Variants in KCNT2 observed in about 807,000 individuals in gnomAD.
The protein encoded by KCNT2 is potassium channel subfamily T member 2.
In KCNT2, 67 loss-of-function variants were observed where a neutral mutation model predicts 153.8. That is an observed-to-expected ratio of 0.44 (90% CI 0.36 to 0.53). KCNT2 has a LOEUF of 0.53. Among genes scored for constraint, KCNT2 ranks in the 20% least tolerant of loss-of-function variants. KCNT2 has a pLI of 0.00. For missense variants in KCNT2, 975 were observed against 1,354.8 expected (o/e 0.72, Z 4.40); for synonymous variants, 500 against 458.8 (o/e 1.09, Z -1.15).
chr1:196,282,170 C>A (rs11802997), intron 24 of KCNT2, 103 bp downstream of exon 24: 1 of 532,900 alleles, frequency 1.9e-6, no homozygotes, highest in Non-Finnish European at 3.4e-6. Flanking sequence ...ATTCACAATA[C>A]AAAAAATAAC....
chr1:196,397,690 T>C (rs1275377616), intron 13 of KCNT2, among the ~76,000 whole-genome samples: 10 of 151,480 alleles, frequency 6.6e-5, no homozygotes, highest in Non-Finnish European at 1.2e-4. Context: ...TTTCTTATCA[T>C]TGCATCAAAA....
intron 1 of KCNT2, among the ~76,000 whole-genome samples, chr1:196,519,597 A>G (rs1653071210): frequency 6.6e-6 from 1 of 152,128 alleles, no homozygotes; most frequent in African/African-American, 2.4e-5. Flanking sequence ...ACAATCAGAA[A>G]CAACAAAGGA....
Position 196,252,754 on chromosome 1 carries a change from T to C in KCNT2, c.3211+5440A>G, listed in dbSNP as rs1056722447. Among the ~76,000 whole-genome samples, 5 of 151,492 alleles carry C rather than the reference T, an allele frequency of 3.3e-5. No individual in the cohort carries two copies. The South Asian group carries it at 8.3e-4, about 25-fold the overall frequency. On this transcript the variant is annotated intron_variant, in intron 26 of 27. Coordinates refer to ENST00000294725, the MANE Select transcript of KCNT2 (RefSeq NM_198503.5). ...GGGAAAGCCTTTTATCATTTTTTTG[T>C]AGTATAAACAAATTCAGCATTTGTT...
At chr1:196,253,651 C>T (rs1412483699) in intron 26 of KCNT2, among the ~76,000 whole-genome samples, 1 of 151,504 alleles carries the variant, frequency 6.6e-6, no homozygotes, top group African/African-American at 2.4e-5. Flanking sequence ...CCAAAGTCTG[C>T]ACAATATTGT....
chr1:196,458,495 T>A (rs1387174295), intron 8 of KCNT2, among the ~76,000 whole-genome samples: 2 of 151,892 alleles, frequency 1.3e-5, no homozygotes, highest in Non-Finnish European at 2.9e-5. Context: ...GGAAGTTGAA[T>A]ACAAACTCTT....
Position 196,560,596 on chromosome 1 carries a change from C to G in KCNT2, c.95+47619G>C, listed in dbSNP as rs142935866. ...ATATAAAGAACAAAAGGGGTAACATCCCTACCTATCTCACTCTCTGTGGGA... is the reference window on the plus strand; with the variant it reads ...ATATAAAGAACAAAAGGGGTAACATGCCTACCTATCTCACTCTCTGTGGGA... On this transcript the variant is annotated intron_variant, in intron 1 of 27. Coordinates refer to ENST00000294725, the MANE Select transcript of KCNT2 (RefSeq NM_198503.5). 1.4e-3 allele frequency among the ~76,000 whole-genome samples: 218 copies of G among 151,940 alleles called. 2 individuals carry two copies. The highest frequency in any genetic ancestry group is 5.1e-3 in the African/African-American group (212 of 41,476).
chr1:196,588,399 A>G (rs1662947101), intron 1 of KCNT2, among the ~76,000 whole-genome samples: 1 of 152,098 alleles, frequency 6.6e-6, no homozygotes, highest in Non-Finnish European at 1.5e-5. Context: ...TTTTATCATT[A>G]GCTTCTCCAA....
chr1:196,434,617 T>C (rs963607180), intron 8 of KCNT2, among the ~76,000 whole-genome samples: 2 of 151,988 alleles, frequency 1.3e-5, no homozygotes, highest in African/African-American at 4.8e-5. Flanking sequence ...TGCCAACAAA[T>C]GAAGTCTTCA....
chr1:196,385,617 T>C (rs775895975), intron 13 of KCNT2, among the ~76,000 whole-genome samples: 52 of 151,996 alleles, frequency 3.4e-4, no homozygotes, highest in African/African-American at 1.1e-3. Context: ...AATACAAGAA[T>C]GTACAACTCT....
chr1:196,461,521 A>G (rs1001464374), intron 8 of KCNT2, among the ~76,000 whole-genome samples: 5 of 151,862 alleles, frequency 3.3e-5, no homozygotes, highest in African/African-American at 9.7e-5. Flanking sequence ...TAGTTGCAAA[A>G]TAAATCTATC....
intron 26 of KCNT2, 192 bp downstream of exon 26, chr1:196,258,002 G>T: frequency 7.2e-7 from 1 of 1,396,388 alleles, no homozygotes; most frequent in Non-Finnish European, 9.3e-7. Flanking sequence ...CTCAGCAAAC[G>T]CTGAAAATTT....
At chr1:196,367,314 C>T (rs1412253390) in intron 14 of KCNT2, among the ~76,000 whole-genome samples, 2 of 152,098 alleles carry the variant, frequency 1.3e-5, no homozygotes, top group Non-Finnish European at 2.9e-5. Context: ...TTTGAGCTCT[C>T]TCTTTAATGA....
At chr1:196,538,244 C>T (rs1655870047) in intron 1 of KCNT2, among the ~76,000 whole-genome samples, 1 of 152,088 alleles carries the variant, frequency 6.6e-6, no homozygotes, top group South Asian at 2.1e-4. Context: ...CCACCGAAGG[C>T]CACCGGAGCA....
chr1:196,334,483 C>CTTTTTTTTTTTTTTTTTT (rs757677685), intron 16 of KCNT2, among the ~76,000 whole-genome samples: 10 of 42,336 alleles, frequency 2.4e-4, no homozygotes, highest in East Asian at 1.0e-3. Context: ...TTCTTTCTTT[C>CTTTTTTTTTTTTTTTTTT]TTTCTTTTTT....
chr1:196,527,687 A>G (rs1654415885), intron 1 of KCNT2, among the ~76,000 whole-genome samples: 1 of 152,200 alleles, frequency 6.6e-6, no homozygotes, highest in Non-Finnish European at 1.5e-5. Context: ...AATTACTCAG[A>G]AACTTTCATT....
intron 22 of KCNT2, 60 bp downstream of exon 22, chr1:196,305,174 A>G: frequency 5.2e-6 from 5 of 967,374 alleles, no homozygotes; most frequent in Non-Finnish European, 8.3e-6. Flanking sequence ...ATATATTTAC[A>G]GAGTTAATTT....
intron 3 of KCNT2, among the ~76,000 whole-genome samples, chr1:196,482,788 C>T (rs1303778690): frequency 2.0e-5 from 3 of 151,918 alleles, no homozygotes; most frequent in Non-Finnish European, 4.4e-5. Context: ...AGAAAAAAAT[C>T]AGTAACAGAG....
chr1:196,390,893 T>TTC (rs1390102465), intron 13 of KCNT2, among the ~76,000 whole-genome samples: 2 of 147,776 alleles, frequency 1.4e-5, no homozygotes, highest in African/African-American at 5.0e-5. Context: ...ATTCATTCTT[T>TTC]TTTTTTTTTT....
intron 25 of KCNT2, among the ~76,000 whole-genome samples, chr1:196,266,572 A>G (rs1374412046): frequency 6.6e-6 from 1 of 152,150 alleles, no homozygotes; most frequent in African/African-American, 2.4e-5. Context: ...ACAATATAGA[A>G]TCACATGCAT....
Sources: allele counts gnomAD v4.1 joint callset (sites outside exome capture counted in the v4.1 genomes callset), GRCh38; gene constraint gnomAD v4.1.1; transcripts MANE v1.5; gene names NCBI Gene and HGNC (gene_info 2026-07-23, HGNC 2026-07-21).